ATRIP: variants seen among roughly 807,000 people sequenced by gnomAD.
ATRIP encodes ATR-interacting protein.
In ATRIP, 44 loss-of-function variants were observed where a neutral mutation model predicts 78.1. The ratio of observed to expected loss-of-function variants is 0.56; its 90% CI spans 0.44 to 0.72. The LOEUF (loss-of-function observed/expected upper bound fraction) is 0.72. ATRIP is among the 30% of genes least tolerant of loss of function. The pLI is 0.00. For missense variants in ATRIP, 927 were observed against 980.2 expected, an observed-to-expected ratio of 0.95 and a Z score of 0.72; for synonymous variants, 388 against 408.9, an observed-to-expected ratio of 0.95 and a Z score of 0.62.
chr3:48,466,838 G>A lies in ATRIP; in HGVS notation c.*1284G>A, dbSNP rs55852466. 451 of 1,613,908 alleles carry A rather than the reference G, an allele frequency of 2.8e-4. 1 individual carries two copies. The highest frequency in any genetic ancestry group is 2.2e-4 in the Non-Finnish European group (265 of 1,180,018). On this transcript the variant is annotated 3_prime_UTR_variant, in exon 13 of 13. Coordinates refer to ENST00000320211, the MANE Select transcript of ATRIP (RefSeq NM_130384.3). ...CACCTCCCACAGTTCCTCCACCACC[G>A]CGTGTGGTAGACAAGCTCTCCCTGT... is the stretch of plus-strand genomic sequence containing the variant.
chr3:48,459,386 A>G lies in ATRIP; in HGVS notation c.857A>G (p.Asp286Gly), dbSNP rs1306774968. Residue 286 changes from aspartate to glycine, a missense_variant, in exon 6 of 13, where the codon GAC becomes GGC. Transcript: ENST00000320211. ...EDSKPHSLRG[D>G]SIKQEEAQKS... ...AGTAAGCCCCACAGTCTGAGAGGTG[A>G]CTCCATAAAACAAGAAGAGGCCCAG... 1 of 1,613,926 alleles carries G rather than the reference A, an allele frequency of 6.2e-7. No individual in the cohort carries two copies. Among genetic ancestry groups the G allele is most frequent in the East Asian group, 2.2e-5 (1 of 44,870 alleles).
In ATRIP at chr3:48,464,752, G is replaced by A; in HGVS notation, c.2056-79G>A. The A allele has an allele frequency of 3.7e-6, 6 of 1,606,512 alleles. No individual in the cohort carries two copies. The South Asian group carries it at 4.4e-5, about 12-fold the overall frequency. On this transcript the variant is annotated intron_variant, in intron 11 of 12. Transcript: ENST00000320211. ...GGCCCCACTGCAAACCCCCTCACGT[G>A]AGGTGGCTAGGCTGAGCGGATTGTT...
In ATRIP at chr3:48,466,655, C is replaced by T; in HGVS notation, c.*1101C>T. The T allele has an allele frequency of 6.2e-7, 1 of 1,614,086 alleles. No individual in the cohort carries two copies. Among genetic ancestry groups the T allele is most frequent in the South Asian group, 1.1e-5 (1 of 91,086 alleles). ...GCTCAGCAGCAGGTACGTACCCAAC[C>T]ATGGGCTCGCAGGCCCTGCCCCCGG... On this transcript the variant is annotated 3_prime_UTR_variant, in exon 13 of 13. Transcript: ENST00000320211.
In ATRIP at chr3:48,464,051, CCTGCTG is replaced by C. The variant is rs779218640; in HGVS notation, c.1900_1905del (p.Leu634_Leu635del). ...CGCTGTCCTTTTCAGAAGGCTGCCT[CCTGCTG>C]CTGCTGTACATGTACATCACATCAC... On this transcript the variant is annotated inframe_deletion, in exon 10 of 13. Coordinates refer to ENST00000320211, the MANE Select transcript of ATRIP (RefSeq NM_130384.3). 11 of 1,613,552 alleles carry C rather than the reference CCTGCTG, an allele frequency of 6.8e-6. No homozygotes were observed. In the Admixed American group the frequency reaches 1.3e-4, roughly 20 times the overall value.
At chr3:48,457,539 A>G (rs1560105051) in intron 5 of ATRIP, 123 bp downstream of exon 5, 5 of 768,840 alleles carry the variant, frequency 6.5e-6, no homozygotes, top group Non-Finnish European at 9.4e-6. Context: ...AGAGGGGACA[A>G]TCTCTGCAGG....
Position 48,466,279 on chromosome 3 carries a change from G to A in ATRIP, c.*725G>A, listed in dbSNP as rs2040290521. The A allele has an allele frequency of 1.5e-6, 1 of 657,496 alleles. No individual in the cohort carries two copies. Among genetic ancestry groups the A allele is most frequent in the Non-Finnish European group, 2.7e-6 (1 of 370,144 alleles). The allele number at this position is 657,496 out of a possible 1,614,324, so 40.7% of individuals were successfully genotyped here. Reference sequence around the variant, plus strand: ...GAGCCGCGGGAGAGTGTGCAGCCGAGTCACTACTGCCTGCCTGCCTGCCTG... The same window carrying A: ...GAGCCGCGGGAGAGTGTGCAGCCGAATCACTACTGCCTGCCTGCCTGCCTG... On this transcript the variant is annotated 3_prime_UTR_variant, in exon 13 of 13. Coordinates refer to ENST00000320211, the MANE Select transcript of ATRIP (RefSeq NM_130384.3).
At chr3:48,457,508 T>G in intron 5 of ATRIP, 92 bp downstream of exon 5, 5 of 1,065,446 alleles carry the variant, frequency 4.7e-6, no homozygotes, top group Non-Finnish European at 6.3e-6. Context: ...ATTTCTGTGA[T>G]CAGCAATTCT....
At chr3:48,447,243 C>T in intron 1 of ATRIP, 151 bp downstream of exon 1, 1 of 1,267,134 alleles carries the variant, frequency 7.9e-7, no homozygotes, top group Non-Finnish European at 9.9e-7. Flanking sequence ...GGTTGTCTTC[C>T]AGAAGGTCCT....
intron 5 of ATRIP, among the ~76,000 whole-genome samples, chr3:48,457,713 G>C (rs1303239039): frequency 2.0e-5 from 3 of 152,194 alleles, no homozygotes; most frequent in Non-Finnish European, 4.4e-5. Flanking sequence ...CAAATCCAGA[G>C]AGAGCGAGCC....
Position 48,449,429 on chromosome 3 carries a change from AAAAAAG to A in ATRIP, c.248-605_248-600del, listed in dbSNP as rs1248327848. Among the ~76,000 whole-genome samples the A allele has an allele frequency of 5.3e-5, 8 of 150,542 alleles. 1 individual carries two copies. Among genetic ancestry groups the A allele is most frequent in the Admixed American group, 2.0e-4 (3 of 15,110 alleles). On this transcript the variant is annotated intron_variant, in intron 1 of 12. Coordinates refer to ENST00000320211, the MANE Select transcript of ATRIP (RefSeq NM_130384.3). ...ACTCTGTCTCAAAAAAAAAAAAAAAAAAAAAGAAGGATCATTTATGAGTTTGAACCA... is the reference window on the plus strand; with the variant it reads ...ACTCTGTCTCAAAAAAAAAAAAAAAAAAGGATCATTTATGAGTTTGAACCA...
Position 48,460,416 on chromosome 3 carries a change from C to T in ATRIP, c.1362C>T (p.Ser454=). 6.2e-7 allele frequency: 1 copy of T among 1,613,150 alleles called. No homozygotes were observed. The highest frequency in any genetic ancestry group is 8.5e-7 in the Non-Finnish European group (1 of 1,179,528). The change falls in exon 8 of 13, where the codon TCC becomes TCT. Residue 454 remains serine, a synonymous_variant. Transcript: ENST00000320211. ...GAPGDSPTHS[S]CVSSGVETNP... ...CTGGGGACTCACCGACACATTCCTC[C>T]TGCGTGAGCTCTGGGGTAGAGACCA...
intron 3 of ATRIP, among the ~76,000 whole-genome samples, chr3:48,452,292 C>T (rs1026845576): frequency 6.6e-6 from 1 of 152,168 alleles, no homozygotes; most frequent in African/African-American, 2.4e-5. Context: ...CTTGCCAGGA[C>T]ATTTTTATTC....
intron 4 of ATRIP, among the ~76,000 whole-genome samples, chr3:48,456,934 G>A (rs1033237738): frequency 1.3e-5 from 2 of 152,164 alleles, no homozygotes; most frequent in African/African-American, 2.4e-5. Flanking sequence ...CAGTAACAGT[G>A]GATCATGCCT....
intron 7 of ATRIP, 92 bp downstream of exon 7, chr3:48,460,008 G>T: frequency 6.4e-7 from 1 of 1,557,030 alleles, no homozygotes; most frequent in Non-Finnish European, 8.7e-7. Flanking sequence ...AAGTCTGTGG[G>T]AAGGGCAGGC....
chr3:48,462,729 A>G (rs1220192127), intron 8 of ATRIP, among the ~76,000 whole-genome samples: 1 of 152,170 alleles, frequency 6.6e-6, no homozygotes, highest in Non-Finnish European at 1.5e-5. Context: ...TAACGCTATC[A>G]AAAAATAACT....
rs1306397289 is a variant in ATRIP, at chr3:48,460,493, G to A, written c.1439G>A (p.Ser480Asn). The A allele has an allele frequency of 6.2e-7, 1 of 1,612,056 alleles. No individual in the cohort carries two copies. The highest frequency in any genetic ancestry group is 8.5e-7 in the Non-Finnish European group (1 of 1,178,824). Reference sequence around the variant, plus strand: ...GAAGGCTTCTCTGTGACTGCACTTAGCATTCTTCAGCACCTGGTGTGCCAC... The same window carrying A: ...GAAGGCTTCTCTGTGACTGCACTTAACATTCTTCAGCACCTGGTGTGCCAC... ...ILEGFSVTAL[S>N]ILQHLVCHSG... The change falls in exon 8 of 13, where the codon AGC becomes AAC. Residue 480 changes from serine (S) to asparagine (N), a missense_variant. By Grantham distance (46) the Ser-to-Asn change is conservative. Transcript: ENST00000320211.
rs1163163673 is a variant in ATRIP at position 48,467,317 on chromosome 3, C to G, written c.*1763C>G. ...CAGGCCCTGCTGCGGTGGGTGGATG[C>G]TCACGCCAGGCCTTTCGGCACCATC... On this transcript the variant is annotated 3_prime_UTR_variant, in exon 13 of 13. Coordinates refer to ENST00000320211, the MANE Select transcript of ATRIP (RefSeq NM_130384.3). 3 of 1,614,160 alleles carry G rather than the reference C, an allele frequency of 1.9e-6. No individual in the cohort carries two copies. In the South Asian group the frequency reaches 3.3e-5, roughly 18 times the overall value.
Position 48,466,705 on chromosome 3 carries a change from T to C in ATRIP, c.*1151T>C, listed in dbSNP as rs531498263. On this transcript the variant is annotated 3_prime_UTR_variant, in exon 13 of 13. Transcript: ENST00000320211. ...GGGCCCATGCAGACCCTCATCTTTTTCGACATGGAGGCCACTGGCTTGCCC... is the reference window on the plus strand; with the variant it reads ...GGGCCCATGCAGACCCTCATCTTTTCCGACATGGAGGCCACTGGCTTGCCC... 21 of 1,614,082 alleles carry C rather than the reference T, an allele frequency of 1.3e-5. 1 individual carries two copies. In the South Asian group the frequency reaches 2.1e-4, roughly 16 times the overall value.
intron 10 of ATRIP, among the ~76,000 whole-genome samples, chr3:48,464,348 G>C (rs1261491225): frequency 4.6e-5 from 7 of 152,204 alleles, no homozygotes; most frequent in Admixed American, 4.6e-4. Context: ...GACTGATCCT[G>C]TCTTGGCTTT....
Sources: allele counts gnomAD v4.1 joint callset (sites outside exome capture counted in the v4.1 genomes callset), GRCh38; gene constraint gnomAD v4.1.1; transcripts MANE v1.5; gene names NCBI Gene and HGNC (gene_info 2026-07-23, HGNC 2026-07-21).